The following CALCR variants were observed in gnomAD, a reference collection of about 807,000 sequenced individuals.
The protein encoded by CALCR is calcitonin receptor.
A neutral mutation model predicts 59.5 loss-of-function variants in CALCR; 47 were observed. The observed-to-expected ratio is 0.79, with a 90% CI of 0.63 to 1.01. The LOEUF (loss-of-function observed/expected upper bound fraction) is 1.01. CALCR is among the 50% of genes least tolerant of loss of function. The pLI, the probability that CALCR is intolerant of heterozygous loss-of-function variation, is 0.00. For synonymous variants in CALCR, 213 were observed against 211.3 expected (o/e 1.01, Z -0.07); for missense variants, 566 against 597.1 (o/e 0.95, Z 0.54).
At chr7:93,570,658 C>T (rs965321807) in intron 2 of CALCR, among the ~76,000 whole-genome samples, 2 of 152,130 alleles carry the variant, frequency 1.3e-5, no homozygotes, top group African/African-American at 4.8e-5. Flanking sequence ...AAGACAGAAT[C>T]TTATACCTCA....
At chr7:93,480,312 G>A (rs896796173) in intron 3 of CALCR, among the ~76,000 whole-genome samples, 5 of 151,756 alleles carry the variant, frequency 3.3e-5, no homozygotes, top group African/African-American at 1.2e-4. Flanking sequence ...TTCTTTTGTG[G>A]CTATGACCAA....
chr7:93,456,328 C>T (rs151149049), intron 8 of CALCR, among the ~76,000 whole-genome samples: 4 of 151,876 alleles, frequency 2.6e-5, no homozygotes, highest in African/African-American at 9.7e-5. Flanking sequence ...TTGTAAGTGG[C>T]TTGTTATTGG....
rs573333620 is a variant in CALCR at position 93,471,111 on chromosome 7, T to C, written c.429+1264A>G. ...CTAAGTGCCTAGAGAGTAGCATTTC[T>C]TCTTTAAATTATTTCATTCTTAGAT... is the stretch of plus-strand genomic sequence containing the variant. On this transcript the variant is annotated intron_variant, in intron 6 of 13. Coordinates refer to ENST00000426151, the MANE Select transcript of CALCR (RefSeq NM_001742.4). Among the ~76,000 whole-genome samples, 6 of 151,922 alleles carry C rather than the reference T, an allele frequency of 3.9e-5. No homozygotes were observed. The East Asian group carries it at 9.7e-4, about 25-fold the overall frequency.
At chr7:93,548,876 GTGTC>G (rs1452102220) in intron 2 of CALCR, among the ~76,000 whole-genome samples, 17 of 76,894 alleles carry the variant, frequency 2.2e-4, no homozygotes, top group Non-Finnish European at 4.8e-4. Context: ...GTGTGTGTGT[GTGTC>G]TGTGTGTGTG....
chr7:93,426,881 T>C (rs543315375), intron 13 of CALCR, among the ~76,000 whole-genome samples: 1 of 152,232 alleles, frequency 6.6e-6, no homozygotes, highest in Non-Finnish European at 1.5e-5. Context: ...TGATTTGGTT[T>C]CACAGGTAAT....
intron 13 of CALCR, among the ~76,000 whole-genome samples, chr7:93,430,957 A>G (rs1423642341): frequency 6.6e-6 from 1 of 152,168 alleles, no homozygotes. Context: ...GGCTTTATTG[A>G]GTGGGAGAAT....
chr7:93,503,566 A>G (rs1285427063), intron 2 of CALCR, among the ~76,000 whole-genome samples: 1 of 151,992 alleles, frequency 6.6e-6, no homozygotes, highest in Non-Finnish European at 1.5e-5. Context: ...GCATTTTCTA[A>G]TTTTTGCAAC....
intron 3 of CALCR, chr7:93,484,089 A>G: frequency 2.2e-6 from 1 of 456,032 alleles, no homozygotes; most frequent in Non-Finnish European, 4.8e-6. Flanking sequence ...AGTGCCTCTC[A>G]CATGTCAGGC....
chr7:93,500,386 AG>A (rs1801297046), intron 2 of CALCR, among the ~76,000 whole-genome samples: 2 of 151,954 alleles, frequency 1.3e-5, no homozygotes, highest in African/African-American at 4.8e-5. Context: ...GAATAAAATG[AG>A]GTTAAAGAAA....
chr7:93,518,543 C>T (rs993922724), intron 2 of CALCR, among the ~76,000 whole-genome samples: 2 of 151,820 alleles, frequency 1.3e-5, no homozygotes, highest in African/African-American at 2.4e-5. Context: ...AAGAAAAATG[C>T]ACTTCTGCAT....
chr7:93,485,384 C>T (rs775488505), intron 3 of CALCR, among the ~76,000 whole-genome samples: 4 of 151,498 alleles, frequency 2.6e-5, no homozygotes, highest in Non-Finnish European at 5.9e-5. Context: ...TAAAAATGAC[C>T]TACGTTGCTT....
At chr7:93,569,872 G>A (rs1336968145) in intron 2 of CALCR, among the ~76,000 whole-genome samples, 1 of 151,016 alleles carries the variant, frequency 6.6e-6, no homozygotes, top group Non-Finnish European at 1.5e-5. Flanking sequence ...GTGAGACTAG[G>A]GTTGCAGCGA....
intron 13 of CALCR, among the ~76,000 whole-genome samples, chr7:93,431,712 C>A (rs1465686468): frequency 6.6e-6 from 1 of 152,152 alleles, no homozygotes; most frequent in Non-Finnish European, 1.5e-5. Context: ...AGGAAATAAA[C>A]AAAATTTTAG....
At chr7:93,500,750 A>G (rs556656168) in intron 2 of CALCR, among the ~76,000 whole-genome samples, 8 of 151,926 alleles carry the variant, frequency 5.3e-5, no homozygotes, top group Non-Finnish European at 1.2e-4. Context: ...AGCTATCCTC[A>G]TGCACCCCCT....
chr7:93,556,809 A>C (rs1270935556), intron 2 of CALCR, among the ~76,000 whole-genome samples: 1 of 152,032 alleles, frequency 6.6e-6, no homozygotes. Flanking sequence ...ATTGATTGGC[A>C]TTTAGGCAAT....
chr7:93,502,178 C>G (rs1289588869), intron 2 of CALCR, among the ~76,000 whole-genome samples: 1 of 151,996 alleles, frequency 6.6e-6, no homozygotes, highest in East Asian at 1.9e-4. Flanking sequence ...CTAAAATGAA[C>G]TGAATGCATA....
intron 3 of CALCR, chr7:93,482,706 G>A (rs747601586): frequency 2.0e-6 from 1 of 507,708 alleles, no homozygotes; most frequent in Non-Finnish European, 4.1e-6. Flanking sequence ...ATCAGTAACA[G>A]TGGAAATACG....
intron 8 of CALCR, among the ~76,000 whole-genome samples, chr7:93,459,584 C>A (rs1387115264): frequency 1.3e-5 from 2 of 152,148 alleles, no homozygotes; most frequent in Non-Finnish European, 2.9e-5. Flanking sequence ...CTTGGCAGCA[C>A]AGAAGAAATA....
chr7:93,539,588 G>A (rs1002437781), intron 2 of CALCR, among the ~76,000 whole-genome samples: 2 of 151,032 alleles, frequency 1.3e-5, no homozygotes, highest in South Asian at 4.4e-4. Context: ...AGATGGTATA[G>A]GTCCCTGGAA....
Sources: gnomAD v4.1 joint callset for allele counts (sites outside exome capture counted in the v4.1 genomes callset) on GRCh38, gnomAD v4.1.1 for gene constraint, MANE v1.5 for transcripts, NCBI Gene and HGNC (gene_info 2026-07-23, HGNC 2026-07-21) for gene names.